The following STIMATE variants were observed in gnomAD, a reference collection of about 807,000 sequenced individuals.
STIMATE encodes store-operated calcium entry regulator STIMATE.
A neutral mutation model predicts 36.7 loss-of-function variants in STIMATE; 15 were observed. The ratio of observed to expected loss-of-function variants is 0.41; its 90% confidence interval spans 0.27 to 0.63. The LOEUF (loss-of-function observed/expected upper bound fraction) is 0.63. Ranked by LOEUF, STIMATE falls within the 20% of genes least tolerant of loss-of-function variation. The pLI is 0.32. For missense variants in STIMATE, 305 were observed against 397.3 expected, an observed-to-expected ratio of 0.77 and a Z score of 1.98; for synonymous variants, 163 against 162.3, an observed-to-expected ratio of 1.00 and a Z score of -0.03.
intron 1 of STIMATE, among the ~76,000 whole-genome samples, chr3:52,882,905 G>A (rs1415312854): frequency 3.3e-5 from 5 of 152,168 alleles, no homozygotes; most frequent in Non-Finnish European, 7.4e-5. Flanking sequence ...GACGCCGAGA[G>A]CACTTGATTT....
chr3:52,842,773 C>A, intron 7 of STIMATE, 38 bp downstream of exon 7: 1 of 1,612,668 alleles, frequency 6.2e-7, no homozygotes, highest in Non-Finnish European at 8.5e-7. Flanking sequence ...GCCAGCGATA[C>A]GACGGCTTGG....
intron 1 of STIMATE, among the ~76,000 whole-genome samples, chr3:52,880,182 C>T (rs1014967409): frequency 3.9e-5 from 6 of 152,220 alleles, no homozygotes; most frequent in Admixed American, 6.5e-5. Flanking sequence ...GGCCCTCCAA[C>T]CTGTCCTCAG....
intron 1 of STIMATE, among the ~76,000 whole-genome samples, chr3:52,884,770 T>C (rs1701665629): frequency 6.6e-6 from 1 of 152,258 alleles, no homozygotes; most frequent in Admixed American, 6.5e-5. Flanking sequence ...TGCTGACATT[T>C]ATTCCACTAT....
rs1701888190 is a variant in STIMATE, at chr3:52,897,542, C to T, written c.-92G>A. On this transcript the variant is annotated 5_prime_UTR_variant, in exon 1 of 8. Coordinates refer to ENST00000355083, the MANE Select transcript of STIMATE (RefSeq NM_198563.5). ...GCCGCCAAACCCGCAGCCGGGATCC[C>T]AAGCCTGAGCCGGTACCTCCGCCCG... 2 of 1,174,078 alleles carry T rather than the reference C, an allele frequency of 1.7e-6. No individual in the cohort carries two copies. Among genetic ancestry groups the T allele is most frequent in the Non-Finnish European group, 1.1e-6 (1 of 951,066 alleles). 72.7% of individuals were successfully genotyped at this position (1,174,078 alleles called of 1,614,324 possible).
chr3:52,855,792 G>C (rs967435022), intron 1 of STIMATE, among the ~76,000 whole-genome samples: 3 of 152,196 alleles, frequency 2.0e-5, no homozygotes, highest in African/African-American at 7.2e-5. Flanking sequence ...CTCTATCCAA[G>C]GACAAATCCA....
chr3:52,892,938 G>A (rs897451411), intron 1 of STIMATE, among the ~76,000 whole-genome samples: 1 of 151,920 alleles, frequency 6.6e-6, no homozygotes, highest in Non-Finnish European at 1.5e-5. Context: ...AGGAAAACAG[G>A]GGCCAGTGAA....
chr3:52,885,164 G>A (rs1427342767), intron 1 of STIMATE, among the ~76,000 whole-genome samples: 2 of 152,124 alleles, frequency 1.3e-5, no homozygotes, highest in South Asian at 2.1e-4. Flanking sequence ...TTTTCCTGAT[G>A]AGTAATGATA....
rs1700756975 is a variant in STIMATE at position 52,839,260 on chromosome 3, G to T, written c.*1234C>A. ...AACAGGATCACTTTGTGAGGCACATGTTCTCCAGAATGCTGTGCAAAACAA... is the reference window on the plus strand; with the variant it reads ...AACAGGATCACTTTGTGAGGCACATTTTCTCCAGAATGCTGTGCAAAACAA... On this transcript the variant is annotated 3_prime_UTR_variant, in exon 8 of 8. Transcript: ENST00000355083. 6.6e-6 allele frequency: 1 copy of T among 152,284 alleles called. No individual in the cohort carries two copies. The highest frequency in any genetic ancestry group is 6.5e-5 in the Admixed American group (1 of 15,282). 9.4% of individuals were successfully genotyped at this position (152,284 alleles called of 1,614,324 possible). A position where few individuals can be genotyped will look rare whatever the true frequency, so the allele number is the denominator to read the frequency against.
chr3:52,888,006 T>TG (rs1290072222), intron 1 of STIMATE, among the ~76,000 whole-genome samples: 1 of 123,860 alleles, frequency 8.1e-6, no homozygotes, highest in Non-Finnish European at 1.8e-5. Context: ...TTTTTTTTTT[T>TG]TTTTTTTTTT....
At chr3:52,896,031 G>A in intron 1 of STIMATE, 1 of 1,034,836 alleles carries the variant, frequency 9.7e-7, no homozygotes, top group Non-Finnish European at 1.3e-6. Context: ...AGAAAAAGTG[G>A]CAAACATAGA....
intron 1 of STIMATE, among the ~76,000 whole-genome samples, chr3:52,882,804 C>T (rs76514556): frequency 0.029 from 4,484 of 152,102 alleles, 225 homozygotes; most frequent in African/African-American, 0.1. Flanking sequence ...AATGATGCCA[C>T]GGAGGGGTAT....
At chr3:52,880,449 C>T (rs759126661) in intron 1 of STIMATE, among the ~76,000 whole-genome samples, 50 of 152,350 alleles carry the variant, frequency 3.3e-4, no homozygotes, top group Non-Finnish European at 6.2e-4. Flanking sequence ...ACCAAATCAT[C>T]TGCTATAAGA....
At chr3:52,894,962 TTAA>T (rs1283285639) in intron 1 of STIMATE, among the ~76,000 whole-genome samples, 1 of 152,248 alleles carries the variant, frequency 6.6e-6, no homozygotes. Flanking sequence ...TGGCCTCACC[TTAA>T]CACACACTAA....
rs184697325 is a variant in STIMATE at position 52,838,221 on chromosome 3, C to A, written c.*2273G>T. The A allele has an allele frequency of 2.6e-5, 4 of 152,306 alleles. No homozygotes were observed. Among genetic ancestry groups the A allele is most frequent in the East Asian group, 3.9e-4 (2 of 5,184 alleles). The allele number at this position is 152,306 out of a possible 1,614,324, so 9.4% of individuals were successfully genotyped here. A position where few individuals can be genotyped will look rare whatever the true frequency, so the allele number is the denominator to read the frequency against. On this transcript the variant is annotated 3_prime_UTR_variant, in exon 8 of 8. Coordinates refer to ENST00000355083, the MANE Select transcript of STIMATE (RefSeq NM_198563.5). ...AACCCTCTGCTCACTGGGAAGTGGGCAAAGCCTTCAGATGAGACCATCTGA... is the reference window on the plus strand; with the variant it reads ...AACCCTCTGCTCACTGGGAAGTGGGAAAAGCCTTCAGATGAGACCATCTGA...
chr3:52,868,076 T>A (rs1294433182), intron 1 of STIMATE, among the ~76,000 whole-genome samples: 1 of 152,160 alleles, frequency 6.6e-6, no homozygotes, highest in Non-Finnish European at 1.5e-5. Context: ...AACCCAGAAG[T>A]GTTTCTGCAC....
Position 52,849,820 on chromosome 3 carries a change from C to G in STIMATE, c.399G>C (p.Gln133His), listed in dbSNP as rs1700967248. ...ATTCGCCGAAGCGCAGGGACTCCCA[C>G]TGCTGCCACTCTACCAGGACGCTGA... The part of the protein sequence containing the change: ...RAVSVLVEWQ[Q>H]WESLRFGEYG... The change falls in exon 4 of 8, where the codon CAG (glutamine) becomes CAC (histidine). Residue 133 changes from glutamine to histidine, a missense_variant. Physicochemically the swap from Gln to His is conservative, Grantham distance 24. Around this residue, in one of 3 missense-constraint regions of STIMATE, gnomAD observed 164 missense variants for 257.9 expected, o/e 0.64. Coordinates refer to ENST00000355083, the MANE Select transcript of STIMATE (RefSeq NM_198563.5). 6.2e-7 allele frequency: 1 copy of G among 1,613,436 alleles called. No individual in the cohort carries two copies. Among genetic ancestry groups the G allele is most frequent in the African/African-American group, 1.3e-5 (1 of 74,948 alleles).
At chr3:52,885,097 T>A (rs1048753066) in intron 1 of STIMATE, among the ~76,000 whole-genome samples, 11 of 152,232 alleles carry the variant, frequency 7.2e-5, no homozygotes, top group Non-Finnish European at 1.3e-4. Context: ...AATTTTAATT[T>A]TAGCCATTCT....
rs1243711676 is a variant in STIMATE, at chr3:52,865,642, A to G, written c.161-10198T>C. ...GTGGGGGAAACTGCCCCCATGATTC[A>G]AATTGTCTCCTATCAGGTCCCCCCA... On this transcript the variant is annotated intron_variant, in intron 1 of 7. Coordinates refer to ENST00000355083, the MANE Select transcript of STIMATE (RefSeq NM_198563.5). Among the ~76,000 whole-genome samples the G allele has an allele frequency of 2.6e-5, 4 of 152,358 alleles. No homozygotes were observed. In the East Asian group the frequency reaches 5.8e-4, roughly 22 times the overall value.
intron 1 of STIMATE, among the ~76,000 whole-genome samples, chr3:52,857,895 T>A (rs1397629497): frequency 2.0e-5 from 3 of 152,056 alleles, no homozygotes; most frequent in Admixed American, 6.6e-5. Flanking sequence ...ACCAGGCCTT[T>A]GAAGGGGTAA....
Sources: allele counts gnomAD v4.1 joint callset (sites outside exome capture counted in the v4.1 genomes callset), GRCh38; gene constraint gnomAD v4.1.1; regional missense constraint gnomAD v4.1.1; transcripts MANE v1.5; gene names NCBI Gene and HGNC (gene_info 2026-07-23, HGNC 2026-07-21).